MUC5AC: variants seen among roughly 807,000 people sequenced by gnomAD.
MUC5AC encodes mucin-5AC.
In MUC5AC, 158 loss-of-function variants were observed where a neutral mutation model predicts 169.7. The observed-to-expected ratio is 0.93, with a 90% CI of 0.82 to 1.06. MUC5AC has a LOEUF of 1.06. Among genes scored for constraint, MUC5AC ranks in the 50% least tolerant of loss-of-function variants. The pLI, the probability that MUC5AC is intolerant of heterozygous loss-of-function variation, is 0.00. For missense variants in MUC5AC, 4,359 were observed against 3,089.9 expected (o/e 1.41, Z -9.74); for synonymous variants, 1,975 against 1,237.0 (o/e 1.60, Z -12.52).
chr11:1,159,437 G>T (rs1028862757), intron 1 of MUC5AC, among the ~76,000 whole-genome samples: 107 of 145,670 alleles, frequency 7.3e-4, no homozygotes, highest in Non-Finnish European at 1.1e-3. Flanking sequence ...GGGGTTGTGT[G>T]GGGGGTCTGG....
In MUC5AC at chr11:1,177,270, C is replaced by T. The variant is rs1191746466; in HGVS notation, c.2833C>T (p.Arg945Cys). 9.1e-6 allele frequency: 4 copies of T among 440,556 alleles called. No homozygotes were observed. Among genetic ancestry groups the T allele is most frequent in the Non-Finnish European group, 1.6e-5 (4 of 248,494 alleles). The allele number at this position is 440,556 out of a possible 1,614,324, so 27.3% of individuals were successfully genotyped here. The change falls in exon 23 of 49, where the codon CGT becomes TGT. Residue 945 changes from arginine (R) to cysteine (C), a missense_variant. Arg to Cys is a radical substitution (Grantham distance 180, BLOSUM62 -3). Coordinates refer to ENST00000621226, the MANE Select transcript of MUC5AC (RefSeq NM_001304359.2). ...GGKDSTQDSF[R>C]VVTENVPCGT... ...GAAAGACAGCACCCAGGACTCCTTT[C>T]GTGTTGTCACCGAGAACGTCCCCTG...
intron 37 of MUC5AC, 51 bp from the exon 38 acceptor site, chr11:1,196,337 T>C: frequency 1.3e-6 from 1 of 760,816 alleles, no homozygotes; most frequent in Non-Finnish European, 2.4e-6. Flanking sequence ...CCCGCGTTGC[T>C]CTGGGTGGGT....
rs879122882 is a variant in MUC5AC at position 1,176,540 on chromosome 11, C to T, written c.2529C>T (p.Cys843=). ...ACAGCCCCCAGTGTGTGCCTGGCTG[C>T]GTGTGCCCCGACGGGCTGGTGGCGG... is the stretch of plus-strand genomic sequence containing the variant. ...TCYSPQCVPG[C]VCPDGLVADG... Residue 843 remains cysteine (C), a synonymous_variant, in exon 21 of 49, where the codon TGC becomes TGT. Coordinates refer to ENST00000621226, the MANE Select transcript of MUC5AC (RefSeq NM_001304359.2). 0.17 allele frequency: 67,197 copies of T among 399,552 alleles called. 6,384 individuals carry two copies. Among genetic ancestry groups the T allele is most frequent in the Non-Finnish European group, 0.2 (44,304 of 226,820 alleles). The allele number at this position is 399,552 out of a possible 1,614,324, so 24.8% of individuals were successfully genotyped here. A position where few individuals can be genotyped will look rare whatever the true frequency, so the allele number is the denominator to read the frequency against.
In MUC5AC at chr11:1,193,546, T is replaced by C. The variant is rs1486210225; in HGVS notation, c.14642T>C (p.Ile4881Thr). 1 of 763,020 alleles carries C rather than the reference T, an allele frequency of 1.3e-6. No individual in the cohort carries two copies. Among genetic ancestry groups the C allele is most frequent in the Non-Finnish European group, 2.4e-6 (1 of 417,028 alleles). 47.3% of individuals were successfully genotyped at this position (763,020 alleles called of 1,614,324 possible). Reference protein sequence around the residue: ...SEATCEGNNVISLRPRTCPRV... With the variant: ...SEATCEGNNVTSLRPRTCPRV... ...GCCACCTGTGAGGGCAACAACGTCA[T>C]CTCCCTGCGCCCGCGCACGTGCCCG... Residue 4881 changes from isoleucine to threonine, a missense_variant, in exon 33 of 49, where the codon ATC becomes ACC. Coordinates refer to ENST00000621226, the MANE Select transcript of MUC5AC (RefSeq NM_001304359.2).
In MUC5AC at chr11:1,181,437, C is replaced by G. The variant is rs1446681216; in HGVS notation, c.3987C>G (p.Phe1329Leu). The change falls in exon 30 of 49, where the codon TTC becomes TTG. Residue 1329 changes from phenylalanine (F) to leucine (L), a missense_variant. Transcript: ENST00000621226. ...SPTTPVPPTT[F>L]SFSTPPLVVS... The stretch of plus-strand genomic sequence containing the variant: ...CCACCCCTGTCCCCCCAACCACCTT[C>G]TCCTTCTCCACACCCCCGCTTGGTA... The G allele has an allele frequency of 1.5e-4, 56 of 366,086 alleles. No individual in the cohort carries two copies. Among genetic ancestry groups the G allele is most frequent in the African/African-American group, 1.1e-3 (50 of 45,594 alleles). 22.7% of individuals were successfully genotyped at this position (366,086 alleles called of 1,614,324 possible).
At position 1,168,464 on chromosome 11, in the gene MUC5AC, T is replaced by G; in HGVS notation, c.1498-19T>G. On this transcript the variant is annotated intron_variant, in intron 12 of 48. Coordinates refer to ENST00000621226, the MANE Select transcript of MUC5AC (RefSeq NM_001304359.2). ...CGCAAGCCTGCCCCGCGCTCACACA[T>G]CTGTCTGGCTGCCCTCAGGTGGTGG... 1 of 1,611,260 alleles carries G rather than the reference T, an allele frequency of 6.2e-7. No individual in the cohort carries two copies.
At chr11:1,159,765 T>A in intron 1 of MUC5AC, among the ~76,000 whole-genome samples, 1 of 116,462 alleles carries the variant, frequency 8.6e-6, no homozygotes, top group East Asian at 2.7e-4. Flanking sequence ...TATGCAGGGC[T>A]GTGCGGGGCT....
Position 1,196,377 on chromosome 11 carries a change from C to A in MUC5AC, c.15638-11C>A, listed in dbSNP as rs764060690. On this transcript the variant is annotated splice_polypyrimidine_tract_variant and intron_variant, in intron 37 of 48. Coordinates refer to ENST00000621226, the MANE Select transcript of MUC5AC (RefSeq NM_001304359.2). Reference sequence around the variant, plus strand: ...TCCCACCCTCTCAGGTGTGGCTTCCCCTCCCCACAGCATTCACCTGCCCAG... The same window carrying A: ...TCCCACCCTCTCAGGTGTGGCTTCCACTCCCCACAGCATTCACCTGCCCAG... The A allele has an allele frequency of 2.6e-6, 2 of 764,652 alleles. No homozygotes were observed. Among genetic ancestry groups the A allele is most frequent in the Non-Finnish European group, 4.8e-6 (2 of 417,618 alleles). 47.4% of individuals were successfully genotyped at this position (764,652 alleles called of 1,614,324 possible).
intron 33 of MUC5AC, among the ~76,000 whole-genome samples, chr11:1,193,908 G>A (rs560968384): frequency 1.3e-5 from 2 of 152,360 alleles, no homozygotes; most frequent in South Asian, 2.1e-4. Context: ...TCCCTGCCTC[G>A]CTCCAGCCTT....
chr11:1,159,532 T>G lies in MUC5AC; in HGVS notation c.74-1080T>G, dbSNP rs1019764300. ...TGGGGTCTGGTCCCACCATGCTGGT[T>G]CTGTGCGGGGCTGTGCGGGGCTGTG... On this transcript the variant is annotated intron_variant, in intron 1 of 48. Coordinates refer to ENST00000621226, the MANE Select transcript of MUC5AC (RefSeq NM_001304359.2). Among the ~76,000 whole-genome samples the G allele has an allele frequency of 7.9e-3, 337 of 42,918 alleles. 26 individuals are homozygous for G. The Admixed American group carries it at 0.091, about 12-fold the overall frequency. The allele number at this position is 42,918 out of a possible 152,430, so 28.2% of individuals were successfully genotyped here. A position where few individuals can be genotyped will look rare whatever the true frequency, so the allele number is the denominator to read the frequency against.
Position 1,200,728 on chromosome 11 carries a change from C to G in MUC5AC, c.*26C>G. ...CCAGCACTGCCGCCCTCCTGACCTCCAAGGAGAACCTCCCATATGTCCTCT... is the reference window on the plus strand; with the variant it reads ...CCAGCACTGCCGCCCTCCTGACCTCGAAGGAGAACCTCCCATATGTCCTCT... On this transcript the variant is annotated 3_prime_UTR_variant, in exon 49 of 49. Coordinates refer to ENST00000621226, the MANE Select transcript of MUC5AC (RefSeq NM_001304359.2). 1.4e-6 allele frequency: 1 copy of G among 701,144 alleles called. No homozygotes were observed. Among genetic ancestry groups the G allele is most frequent in the Non-Finnish European group, 2.6e-6 (1 of 382,090 alleles). 43.4% of individuals were successfully genotyped at this position (701,144 alleles called of 1,614,324 possible). A position where few individuals can be genotyped will look rare whatever the true frequency, so the allele number is the denominator to read the frequency against.
At position 1,191,220 on chromosome 11, in the gene MUC5AC, A is replaced by T. The variant is rs1391825151; in HGVS notation, c.13075A>T (p.Thr4359Ser). The change falls in exon 31 of 49, where the codon ACC becomes TCC. Residue 4359 changes from threonine to serine, a missense_variant. By Grantham distance (58) the Thr-to-Ser change is moderately conservative. Transcript: ENST00000621226. ...CACCAGCACAACCTCTGCTCCTACA[A>T]CCAGCACAACCTCTGCCTCTACAGC... is the stretch of plus-strand genomic sequence containing the variant. ...PTTSTTSAPT[T>S]STTSASTAST... The T allele has an allele frequency of 1.3e-6, 1 of 741,890 alleles. No individual in the cohort carries two copies. The highest frequency in any genetic ancestry group is 2.5e-6 in the Non-Finnish European group (1 of 403,744). 46.0% of individuals were successfully genotyped at this position (741,890 alleles called of 1,614,324 possible). A position where few individuals can be genotyped will look rare whatever the true frequency, so the allele number is the denominator to read the frequency against.
chr11:1,198,297 C>A lies in MUC5AC; in HGVS notation c.16165C>A (p.Leu5389Met). ...GACAGTGTGCAGCATCAACGGGACC[C>A]TGTACCAGGTAAGAGCCACGGAGCT... ...SWTVCSINGT[L>M]YQPGAVVSSS... The change falls in exon 43 of 49, where the codon CTG (leucine) becomes ATG (methionine). Residue 5389 changes from leucine (L) to methionine (M), a missense_variant. By Grantham distance (15) the Leu-to-Met change is conservative (BLOSUM62 2). Coordinates refer to ENST00000621226, the MANE Select transcript of MUC5AC (RefSeq NM_001304359.2). 1 of 753,916 alleles carries A rather than the reference C, an allele frequency of 1.3e-6. No individual in the cohort carries two copies. Among genetic ancestry groups the A allele is most frequent in the East Asian group, 2.5e-5 (1 of 40,640 alleles). 46.7% of individuals were successfully genotyped at this position (753,916 alleles called of 1,614,324 possible).
At chr11:1,173,308 C>T (rs1329729551) in intron 16 of MUC5AC, among the ~76,000 whole-genome samples, 25,536 of 149,838 alleles carry the variant, frequency 0.17, 2,362 homozygotes, top group Non-Finnish European at 0.2. Context: ...CACTCACCCA[C>T]TCACTCACTC....
Position 1,192,274 on chromosome 11 carries a change from G to A in MUC5AC, c.14129G>A (p.Gly4710Glu), listed in dbSNP as rs1590149556. ...GLVCRNQDQQGPFKMCLNYEV... is the reference protein window; with the variant it reads ...GLVCRNQDQQEPFKMCLNYEV... ...GTGTGCCGGAACCAGGACCAGCAGG[G>A]ACCCTTCAAGATGTGCCTCAACTAC... Residue 4710 changes from glycine to glutamate, a missense_variant, in exon 31 of 49, where the codon GGA (glycine) becomes GAA (glutamate). Physicochemically the swap from Gly to Glu is moderately conservative, Grantham distance 98. Coordinates refer to ENST00000621226, the MANE Select transcript of MUC5AC (RefSeq NM_001304359.2). 2 of 765,106 alleles carry A rather than the reference G, an allele frequency of 2.6e-6. No homozygotes were observed. The highest frequency in any genetic ancestry group is 2.7e-5 in the South Asian group (2 of 74,628). 47.4% of individuals were successfully genotyped at this position (765,106 alleles called of 1,614,324 possible).
Position 1,196,688 on chromosome 11 carries a change from G to A in MUC5AC, c.15797G>A (p.Ser5266Asn), listed in dbSNP as rs1423049228. 6.6e-6 allele frequency: 5 copies of A among 761,502 alleles called. 1 individual carries two copies. Among genetic ancestry groups the A allele is most frequent in the East Asian group, 4.9e-5 (2 of 40,998 alleles). 47.2% of individuals were successfully genotyped at this position (761,502 alleles called of 1,614,324 possible). The change falls in exon 39 of 49, where the codon AGT (serine) becomes AAT (asparagine). Residue 5266 changes from serine (S) to asparagine (N), a missense_variant. Physicochemically the swap from Ser to Asn is conservative, Grantham distance 46 (BLOSUM62 1). Coordinates refer to ENST00000621226, the MANE Select transcript of MUC5AC (RefSeq NM_001304359.2). ...CPEGMTLFST[S>N]AQVCVPTGCP... ...GAGGGCATGACCCTCTTCAGCACCA[G>A]TGCCCAAGTCTGCGTGCCCACGGGC... is the stretch of plus-strand genomic sequence containing the variant.
intron 2 of MUC5AC, among the ~76,000 whole-genome samples, chr11:1,161,089 G>A (rs948159562): frequency 2.0e-5 from 3 of 152,202 alleles, no homozygotes; most frequent in Admixed American, 6.5e-5. Context: ...GCGGGAGCCC[G>A]TGGAGGCCCA....
chr11:1,190,672 G>T lies in MUC5AC; in HGVS notation c.12527G>T (p.Ser4176Ile). 1 of 693,998 alleles carries T rather than the reference G, an allele frequency of 1.4e-6. No homozygotes were observed. Among genetic ancestry groups the T allele is most frequent in the Non-Finnish European group, 2.6e-6 (1 of 380,062 alleles). The allele number at this position is 693,998 out of a possible 1,614,324, so 43.0% of individuals were successfully genotyped here. A position where few individuals can be genotyped will look rare whatever the true frequency, so the allele number is the denominator to read the frequency against. The change falls in exon 31 of 49, where the codon AGC becomes ATC. Residue 4176 changes from serine to isoleucine, a missense_variant. Transcript: ENST00000621226. ...AGCACAAACTCTGCTCCTACAACCA[G>T]CACAATCTCTGCCTCTACAACCAGC... ...TTSTNSAPTT[S>I]TISASTTSTI...
chr11:1,200,346 C>A (rs1026856182), intron 48 of MUC5AC, 92 bp from the exon 49 acceptor site: 2 of 610,594 alleles, frequency 3.3e-6, no homozygotes, highest in Non-Finnish European at 5.9e-6. Context: ...GCAGGGAACA[C>A]GATGAGGCCG....
Sources: gnomAD v4.1 joint callset for allele counts (sites outside exome capture counted in the v4.1 genomes callset) on GRCh38, gnomAD v4.1.1 for gene constraint, MANE v1.5 for transcripts, NCBI Gene and HGNC (gene_info 2026-07-23, HGNC 2026-07-21) for gene names.